RBBP4: variants seen among roughly 807,000 people sequenced by gnomAD.
The protein encoded by RBBP4 is RB binding protein 4, chromatin remodeling factor.
A neutral mutation model predicts 57.2 loss-of-function variants in RBBP4; 3 were observed. The observed-to-expected ratio is 0.05, with a 90% CI of 0.02 to 0.14. The LOEUF is 0.14. RBBP4 is among the 10% of genes least tolerant of loss of function. The pLI, the probability that RBBP4 is intolerant of heterozygous loss-of-function variation, is 1.00. For synonymous variants in RBBP4, 151 were observed against 171.5 expected (o/e 0.88, Z 0.93); for missense variants, 107 against 520.6 (o/e 0.21, Z 7.73).
At position 32,668,797 on chromosome 1, in the gene RBBP4, T is replaced by C. The variant is rs368137680; in HGVS notation, c.543T>C (p.Tyr181=). 1 of 1,613,982 alleles carries C rather than the reference T, an allele frequency of 6.2e-7. No homozygotes were observed. The highest frequency in any genetic ancestry group is 8.5e-7 in the Non-Finnish European group (1 of 1,180,044). The change falls in exon 5 of 12, where the codon TAT becomes TAC. Residue 181 remains tyrosine, a synonymous_variant. Transcript: ENST00000373493. ...TCCGTGGACATCAGAAGGAAGGCTA[T>C]GGGCTTTCTTGGAACCCAAATCTCA... ...LRLRGHQKEG[Y]GLSWNPNLSG...
At chr1:32,674,611 C>T (rs530668605) in intron 11 of RBBP4, among the ~76,000 whole-genome samples, 21 of 151,646 alleles carry the variant, frequency 1.4e-4, no homozygotes, top group Admixed American at 1.1e-3. Context: ...CTTGGTGTCT[C>T]TCAGAGTAGA....
intron 2 of RBBP4, among the ~76,000 whole-genome samples, chr1:32,655,193 T>C (rs939156893): frequency 1.3e-5 from 2 of 152,040 alleles, no homozygotes; most frequent in African/African-American, 2.4e-5. Context: ...TCCAGACTGT[T>C]CTTTAACTTC....
At chr1:32,670,744 A>G (rs565027283) in intron 8 of RBBP4, among the ~76,000 whole-genome samples, 1 of 152,110 alleles carries the variant, frequency 6.6e-6, no homozygotes, top group Non-Finnish European at 1.5e-5. Context: ...AGCCGAGCCC[A>G]AAATTTTATA....
rs1649332994 is a variant in RBBP4 at position 32,680,152 on chromosome 1, T to C, written c.*447T>C. 2.8e-6 allele frequency: 3 copies of C among 1,077,430 alleles called. No homozygotes were observed. The highest frequency in any genetic ancestry group is 3.4e-5 in the South Asian group (1 of 29,094). The allele number at this position is 1,077,430 out of a possible 1,614,324, so 66.7% of individuals were successfully genotyped here. ...GGGAGATTCAAGTCATATAGATTCC[T>C]ACTCGAAAATCTTGACACCTGACTT... On this transcript the variant is annotated 3_prime_UTR_variant, in exon 12 of 12. Transcript: ENST00000373493.
In RBBP4 at chr1:32,679,958, G is replaced by GA; in HGVS notation, c.*256dup. The GA allele has an allele frequency of 7.9e-7, 1 of 1,267,846 alleles. No homozygotes were observed. The highest frequency in any genetic ancestry group is 9.9e-7 in the Non-Finnish European group (1 of 1,008,284). The allele number at this position is 1,267,846 out of a possible 1,614,324, so 78.5% of individuals were successfully genotyped here. The stretch of plus-strand genomic sequence containing the variant: ...GTAACCCAGGTCTAAAGTAGCTACA[G>GA]AAAGGGGAATATTATGTGTGATTAT... On this transcript the variant is annotated 3_prime_UTR_variant, in exon 12 of 12. Coordinates refer to ENST00000373493, the MANE Select transcript of RBBP4 (RefSeq NM_005610.3).
chr1:32,667,273 G>GA (rs1648694434), intron 3 of RBBP4, among the ~76,000 whole-genome samples: 1 of 152,278 alleles, frequency 6.6e-6, no homozygotes, highest in South Asian at 2.1e-4. Context: ...GATAGCAGTA[G>GA]AAAAAATAGT....
chr1:32,673,561 C>T (rs1476069062), intron 11 of RBBP4: 1 of 378,802 alleles, frequency 2.6e-6, no homozygotes, highest in South Asian at 1.9e-5. Flanking sequence ...CCTCAGCCTT[C>T]TGAGTAGCTG....
At chr1:32,673,395 TC>T (rs1648955484) in intron 11 of RBBP4, 5 of 386,596 alleles carry the variant, frequency 1.3e-5, no homozygotes, top group African/African-American at 6.5e-5. Flanking sequence ...TCAAAAATGT[TC>T]CCTATCTCTA....
chr1:32,663,055 T>A (rs1318820748), intron 3 of RBBP4, among the ~76,000 whole-genome samples: 1 of 152,038 alleles, frequency 6.6e-6, no homozygotes, highest in Non-Finnish European at 1.5e-5. Context: ...TATAATAAAT[T>A]ATTATATATT....
chr1:32,663,846 G>C (rs942787308), intron 3 of RBBP4, among the ~76,000 whole-genome samples: 2 of 151,966 alleles, frequency 1.3e-5, no homozygotes, highest in African/African-American at 4.8e-5. Context: ...AAAGTGCTGC[G>C]ATTACAGGCT....
chr1:32,678,236 ACC>A (rs1649196224), intron 11 of RBBP4, among the ~76,000 whole-genome samples: 3 of 151,728 alleles, frequency 2.0e-5, no homozygotes. Flanking sequence ...CCTGTTTTGG[ACC>A]CCTGTTTTTT....
rs1484174921 is a variant in RBBP4 at position 32,657,338 on chromosome 1, A to G, written c.165-89A>G. ...TTCCCCTCTCTTAAAACCTGGTTGT[A>G]TTAGTGACTTTGACATACATGTATA... On this transcript the variant is annotated intron_variant, in intron 2 of 11. Coordinates refer to ENST00000373493, the MANE Select transcript of RBBP4 (RefSeq NM_005610.3). The G allele has an allele frequency of 8.5e-6, 11 of 1,291,740 alleles. No individual in the cohort carries two copies. In the African/African-American group the frequency reaches 9.0e-5, roughly 11 times the overall value. 80.0% of individuals were successfully genotyped at this position (1,291,740 alleles called of 1,614,324 possible). A position where few individuals can be genotyped will look rare whatever the true frequency, so the allele number is the denominator to read the frequency against.
chr1:32,652,734 G>A (rs530550537), intron 2 of RBBP4, among the ~76,000 whole-genome samples: 2 of 152,112 alleles, frequency 1.3e-5, no homozygotes, highest in South Asian at 2.1e-4. Context: ...TAGTAGAGAC[G>A]GGGTTTTACC....
chr1:32,651,295 C>A lies in RBBP4; in HGVS notation c.-12C>A. 3.4e-6 allele frequency: 5 copies of A among 1,479,092 alleles called. No individual in the cohort carries two copies. The highest frequency in any genetic ancestry group is 3.6e-6 in the Non-Finnish European group (4 of 1,115,682). 91.6% of individuals were successfully genotyped at this position (1,479,092 alleles called of 1,614,324 possible). A position where few individuals can be genotyped will look rare whatever the true frequency, so the allele number is the denominator to read the frequency against. ...GCTCGACCCCAGGATTCCCCCGGCTCGCCTGCCCGCCATGGCCGACAAGGA... is the reference window on the plus strand; with the variant it reads ...GCTCGACCCCAGGATTCCCCCGGCTAGCCTGCCCGCCATGGCCGACAAGGA... On this transcript the variant is annotated 5_prime_UTR_variant, in exon 1 of 12. Coordinates refer to ENST00000373493, the MANE Select transcript of RBBP4 (RefSeq NM_005610.3).
At chr1:32,653,772 C>T (rs1648014171) in intron 2 of RBBP4, among the ~76,000 whole-genome samples, 1 of 149,778 alleles carries the variant, frequency 6.7e-6, no homozygotes, top group African/African-American at 2.4e-5. Context: ...CATTTTCCTG[C>T]CTCAGCTTCC....
chr1:32,663,447 A>G (rs1648508088), intron 3 of RBBP4, among the ~76,000 whole-genome samples: 1 of 152,118 alleles, frequency 6.6e-6, no homozygotes, highest in South Asian at 2.1e-4. Context: ...ATTACTATAT[A>G]TGTATTTTTT....
chr1:32,654,714 A>T (rs1243844017), intron 2 of RBBP4, among the ~76,000 whole-genome samples: 1 of 152,144 alleles, frequency 6.6e-6, no homozygotes, highest in Non-Finnish European at 1.5e-5. Flanking sequence ...GAGACGGAGG[A>T]CGGAGTTTCA....
chr1:32,663,265 A>G (rs1320875520), intron 3 of RBBP4, among the ~76,000 whole-genome samples: 2 of 152,100 alleles, frequency 1.3e-5, no homozygotes, highest in Non-Finnish European at 2.9e-5. Flanking sequence ...AGCTACGACG[A>G]TTTGTGCACC....
At chr1:32,660,202 C>A (rs1001930811) in intron 3 of RBBP4, among the ~76,000 whole-genome samples, 1 of 152,104 alleles carries the variant, frequency 6.6e-6, no homozygotes, top group African/African-American at 2.4e-5. Context: ...AGGTGCAGAT[C>A]ATTTTCTTGT....
Sources: gnomAD v4.1 joint callset for allele counts (sites outside exome capture counted in the v4.1 genomes callset) on GRCh38, gnomAD v4.1.1 for gene constraint, MANE v1.5 for transcripts, NCBI Gene and HGNC (gene_info 2026-07-23, HGNC 2026-07-21) for gene names.